The following GRM7 variants were observed in gnomAD, a reference collection of about 807,000 sequenced individuals.
GRM7 encodes the protein metabotropic glutamate receptor 7.
Under a neutral mutation model 84.5 loss-of-function variants are expected in GRM7, and 35 were observed. The observed-to-expected ratio is 0.41, with a 90% CI of 0.32 to 0.55. The LOEUF is 0.55. Among genes scored for constraint, GRM7 ranks in the 20% least tolerant of loss-of-function variants. GRM7 has a pLI of 0.19. For missense variants in GRM7, 1,003 were observed against 1,194.6 expected, an observed-to-expected ratio of 0.84 and a Z score of 2.36; for synonymous variants, 487 against 455.1, an observed-to-expected ratio of 1.07 and a Z score of -0.89.
intron 7 of GRM7, among the ~76,000 whole-genome samples, chr3:7,487,207 G>A (rs114042474): frequency 1.5e-3 from 232 of 152,258 alleles, no homozygotes; most frequent in Non-Finnish European, 2.7e-3. Flanking sequence ...ACTTTTGGCT[G>A]CTTAAGCTGA....
intron 1 of GRM7, among the ~76,000 whole-genome samples, chr3:6,883,134 C>T (rs1444795541): frequency 6.6e-6 from 1 of 152,108 alleles, no homozygotes; most frequent in Non-Finnish European, 1.5e-5. Flanking sequence ...CTACATGATT[C>T]TAACTATATT....
At chr3:7,063,665 C>T (rs1697512337) in intron 1 of GRM7, among the ~76,000 whole-genome samples, 1 of 151,722 alleles carries the variant, frequency 6.6e-6, no homozygotes, top group Non-Finnish European at 1.5e-5. Flanking sequence ...TTGGCTAACA[C>T]ATACACCAAC....
At chr3:7,504,287 T>C (rs1293995635) in intron 7 of GRM7, among the ~76,000 whole-genome samples, 1 of 152,196 alleles carries the variant, frequency 6.6e-6, no homozygotes, top group Admixed American at 6.5e-5. Flanking sequence ...GCCAAGCTTT[T>C]TCCTGCTTCT....
chr3:7,067,417 T>C (rs1697708296), intron 1 of GRM7, among the ~76,000 whole-genome samples: 1 of 151,948 alleles, frequency 6.6e-6, no homozygotes, highest in African/African-American at 2.4e-5. Flanking sequence ...CAACCCTTTT[T>C]ACAATAGCTG....
chr3:7,296,067 A>C (rs561591341), intron 2 of GRM7, among the ~76,000 whole-genome samples: 35 of 152,060 alleles, frequency 2.3e-4, no homozygotes, highest in African/African-American at 7.9e-4. Flanking sequence ...TAGTTTACAG[A>C]GTTTAGTATT....
chr3:6,894,342 A>T (rs1385104833), intron 1 of GRM7, among the ~76,000 whole-genome samples: 1 of 152,174 alleles, frequency 6.6e-6, no homozygotes, highest in Non-Finnish European at 1.5e-5. Flanking sequence ...ATCATCAGAA[A>T]TATTTTTATA....
chr3:7,592,258 T>TA lies in GRM7; in HGVS notation c.2451+12911dup, dbSNP rs542665836. Among the ~76,000 whole-genome samples the TA allele has an allele frequency of 2.1e-3, 306 of 144,620 alleles. 1 individual carries two copies. The highest frequency in any genetic ancestry group is 6.9e-3 in the Middle Eastern group (2 of 288). The allele number at this position is 144,620 out of a possible 152,430, so 94.9% of individuals were successfully genotyped here. On this transcript the variant is annotated intron_variant, in intron 8 of 9. Coordinates refer to ENST00000357716, the MANE Select transcript of GRM7 (RefSeq NM_000844.4). ...GGAGAATATCAGACTGTGGCAAATA[T>TA]AAAAAAAAAAGCAGATAAGAGAAGA...
rs764982719 is a variant in GRM7 at position 7,117,432 on chromosome 3, C to T, written c.520-29020C>T. ...CCCTTGGAACCCATAGACTAACCCA[C>T]GTGTATCTCTGAAACTGTGGATCAC... On this transcript the variant is annotated intron_variant, in intron 1 of 9. Coordinates refer to ENST00000357716, the MANE Select transcript of GRM7 (RefSeq NM_000844.4). Among the ~76,000 whole-genome samples, 13 of 152,300 alleles carry T rather than the reference C, an allele frequency of 8.5e-5. 1 individual carries two copies. Among genetic ancestry groups the T allele is most frequent in the South Asian group, 2.1e-4 (1 of 4,834 alleles).
At chr3:6,949,763 T>C (rs546394735) in intron 1 of GRM7, among the ~76,000 whole-genome samples, 1 of 152,192 alleles carries the variant, frequency 6.6e-6, no homozygotes, top group Non-Finnish European at 1.5e-5. Context: ...TTCGTTTTAT[T>C]CTTTTTTCTC....
chr3:7,515,961 A>C (rs1000002527), intron 7 of GRM7, among the ~76,000 whole-genome samples: 1 of 151,992 alleles, frequency 6.6e-6, no homozygotes, highest in South Asian at 2.1e-4. Flanking sequence ...TGGGAAACAT[A>C]GGGAGACCCT....
At chr3:6,948,296 C>T (rs924809260) in intron 1 of GRM7, among the ~76,000 whole-genome samples, 4 of 152,116 alleles carry the variant, frequency 2.6e-5, no homozygotes, top group Admixed American at 6.6e-5. Flanking sequence ...TTATTTCTGC[C>T]TTCATTTTGT....
intron 1 of GRM7, among the ~76,000 whole-genome samples, chr3:6,983,918 T>G (rs1694302702): frequency 6.6e-6 from 1 of 152,176 alleles, no homozygotes; most frequent in South Asian, 2.1e-4. Flanking sequence ...TAACAATGTA[T>G]CTGTGGTTTT....
chr3:7,071,011 G>A (rs980856039), intron 1 of GRM7, among the ~76,000 whole-genome samples: 1 of 152,058 alleles, frequency 6.6e-6, no homozygotes, highest in Admixed American at 6.6e-5. Flanking sequence ...CAGATCCTCT[G>A]GAGAGACACA....
At chr3:6,955,890 G>A (rs542261746) in intron 1 of GRM7, among the ~76,000 whole-genome samples, 82 of 151,554 alleles carry the variant, frequency 5.4e-4, no homozygotes, top group South Asian at 2.1e-3. Context: ...GAATGTGACC[G>A]TTGAAATTAT....
At chr3:7,156,070 A>G (rs576379231) in intron 2 of GRM7, among the ~76,000 whole-genome samples, 1 of 152,274 alleles carries the variant, frequency 6.6e-6, no homozygotes, top group South Asian at 2.1e-4. Context: ...ATTACACTCT[A>G]AAAGCAATGA....
intron 1 of GRM7, among the ~76,000 whole-genome samples, chr3:7,029,325 AAACAAAC>A (rs1487672440): frequency 7.0e-6 from 1 of 143,598 alleles, no homozygotes; most frequent in South Asian, 2.3e-4. Context: ...CAAAAAAAAA[AAACAAAC>A]AAAAAAAACA....
intron 5 of GRM7, among the ~76,000 whole-genome samples, chr3:7,442,390 T>C (rs1321561825): frequency 6.6e-6 from 1 of 152,186 alleles, no homozygotes; most frequent in Non-Finnish European, 1.5e-5. Context: ...TAGGAATGAA[T>C]TCACAGCATC....
intron 1 of GRM7, among the ~76,000 whole-genome samples, chr3:7,089,326 C>T (rs1698579782): frequency 6.6e-6 from 1 of 152,168 alleles, no homozygotes; most frequent in African/African-American, 2.4e-5. Flanking sequence ...AATTTTCTTG[C>T]ATCAGCTATA....
intron 1 of GRM7, among the ~76,000 whole-genome samples, chr3:7,099,383 ATATATACAT>A (rs1445613874): frequency 2.0e-5 from 3 of 148,386 alleles, no homozygotes; most frequent in African/African-American, 7.4e-5. Context: ...TACATATATA[ATATATACAT>A]TATATACATA....
Sources: gnomAD v4.1 joint callset for allele counts (sites outside exome capture counted in the v4.1 genomes callset) on GRCh38, gnomAD v4.1.1 for gene constraint, MANE v1.5 for transcripts, NCBI Gene and HGNC (gene_info 2026-07-23, HGNC 2026-07-21) for gene names.